Variants in ASXL1 observed in about 807,000 individuals in gnomAD.
The protein encoded by ASXL1 is ASXL transcriptional regulator 1, also known as polycomb group protein ASXL1.
ASXL1 carries 65 observed loss-of-function variants against 89.1 expected under a neutral mutation model. That is an observed-to-expected ratio of 0.73 (90% CI 0.60 to 0.90). The LOEUF (loss-of-function observed/expected upper bound fraction) is 0.90, where lower values mean the gene tolerates loss of function less well. Ranked by LOEUF, ASXL1 falls within the 40% of genes least tolerant of loss-of-function variation. ASXL1 has a pLI of 0.00. For synonymous variants in ASXL1, 739 were observed against 746.9 expected, an observed-to-expected ratio of 0.99 and a Z score of 0.17; for missense variants, 1,786 against 1,942.9, an observed-to-expected ratio of 0.92 and a Z score of 1.52.
chr20:32,434,407 C>G, intron 12 of ASXL1, 25 bp from the exon 13 acceptor site: 1 of 1,613,386 alleles, frequency 6.2e-7, no homozygotes, highest in Non-Finnish European at 8.5e-7. Flanking sequence ...TCAGTTAAAA[C>G]TATTTTCTAA....
At position 32,433,742 on chromosome 20, in the gene ASXL1, TGGATCAGG is replaced by T; in HGVS notation, c.1545_1552del (p.Asp516ThrfsTer10). ...ATTCCTAGCCTGCCTCAGGAAACTG[TGGATCAGG>T]AACCCAAGGATCAGAAGAGGAAATC... is the stretch of plus-strand genomic sequence containing the variant. On this transcript the variant is annotated frameshift_variant, in exon 12 of 13. Transcript: ENST00000375687. LOFTEE classifies it high-confidence loss of function. The T allele has an allele frequency of 6.2e-7, 1 of 1,613,958 alleles. No homozygotes were observed. The highest frequency in any genetic ancestry group is 8.5e-7 in the Non-Finnish European group (1 of 1,179,874).
At chr20:32,426,495 T>C (rs1388347376) in intron 4 of ASXL1, among the ~76,000 whole-genome samples, 1 of 151,718 alleles carries the variant, frequency 6.6e-6, no homozygotes, top group Admixed American at 6.6e-5. Flanking sequence ...CTGAAGACCA[T>C]GTATGGCCAG....
At chr20:32,397,972 C>G (rs994782250) in intron 4 of ASXL1, among the ~76,000 whole-genome samples, 7 of 152,160 alleles carry the variant, frequency 4.6e-5, no homozygotes, top group Admixed American at 1.3e-4. Context: ...TGTCATGTTT[C>G]CTTAGATGTG....
At position 32,367,686 on chromosome 20, in the gene ASXL1, A is replaced by T. The variant is rs751283451; in HGVS notation, c.141-41A>T. The T allele has an allele frequency of 3.8e-6, 3 of 780,712 alleles. No individual in the cohort carries two copies. In the South Asian group the frequency reaches 4.0e-5, roughly 10 times the overall value. The allele number at this position is 780,712 out of a possible 1,614,324, so 48.4% of individuals were successfully genotyped here. A position where few individuals can be genotyped will look rare whatever the true frequency, so the allele number is the denominator to read the frequency against. On this transcript the variant is annotated intron_variant, in intron 2 of 12. Transcript: ENST00000375687. ...TTGTTTTTATGGGCTATTTCCCATC[A>T]TGCTGCTGTCTGCACTGCTGTTGGA...
rs759320998 is a variant in ASXL1 at position 32,433,806 on chromosome 20, C to G, written c.1608C>G (p.Pro536=). The G allele has an allele frequency of 6.8e-6, 11 of 1,614,016 alleles. No homozygotes were observed. In the Admixed American group the frequency reaches 1.2e-4, roughly 17 times the overall value. ...SFEQAASASF[P]EKKPRLEDRQ... Reference sequence around the variant, plus strand: ...AGCAGGCGGCCTCTGCATCCTTTCCCGAAAAGAAGCCCCGGCTTGAAGATC... The same window carrying G: ...AGCAGGCGGCCTCTGCATCCTTTCCGGAAAAGAAGCCCCGGCTTGAAGATC... The change falls in exon 12 of 13, where the codon CCC becomes CCG. Residue 536 remains proline (P), a synonymous_variant. Transcript: ENST00000375687.
At chr20:32,401,657 G>A (rs2048877166) in intron 4 of ASXL1, among the ~76,000 whole-genome samples, 1 of 150,004 alleles carries the variant, frequency 6.7e-6, no homozygotes, top group Non-Finnish European at 1.5e-5. Context: ...ACAGGTTCAA[G>A]CGATTCTTCT....
intron 4 of ASXL1, among the ~76,000 whole-genome samples, chr20:32,373,195 G>A (rs889111694): frequency 6.6e-6 from 1 of 151,512 alleles, no homozygotes. Context: ...TGGCCAACAT[G>A]GCGAAACCCC....
intron 4 of ASXL1, among the ~76,000 whole-genome samples, chr20:32,414,357 C>T (rs1292275434): frequency 2.0e-5 from 3 of 149,286 alleles, no homozygotes; most frequent in Non-Finnish European, 3.0e-5. Context: ...TTGTTTTTGG[C>T]CTCTCATTTT....
At chr20:32,379,690 C>CGTGG in intron 4 of ASXL1, among the ~76,000 whole-genome samples, 1 of 150,956 alleles carries the variant, frequency 6.6e-6, no homozygotes, top group Non-Finnish European at 1.5e-5. Flanking sequence ...GCTGGGATTA[C>CGTGG]AGGCGGGCAC....
chr20:32,429,960 T>C lies in ASXL1; in HGVS notation c.625T>C (p.Ser209Pro), dbSNP rs2123223637. ...SGSPSSSSSG[S>P]LALGSAAIRG... ...CAGCCCGTCCAGCAGCAGCAGCGGCTCTCTGGCCCTGGGCAGCGCTGCTAT... is the reference window on the plus strand; with the variant it reads ...CAGCCCGTCCAGCAGCAGCAGCGGCCCTCTGGCCCTGGGCAGCGCTGCTAT... The change falls in exon 8 of 13, where the codon TCT (serine) becomes CCT (proline). Residue 209 changes from serine to proline, a missense_variant. Coordinates refer to ENST00000375687, the MANE Select transcript of ASXL1 (RefSeq NM_015338.6). The surrounding 1 kb of genome is among the most constrained non-coding windows in gnomAD (Gnocchi z 4.9). 1.9e-6 allele frequency: 3 copies of C among 1,608,860 alleles called. No individual in the cohort carries two copies. Among genetic ancestry groups the C allele is most frequent in the Non-Finnish European group, 2.5e-6 (3 of 1,179,658 alleles).
Position 32,429,819 on chromosome 20 carries a change from A to C in ASXL1, c.566-82A>C. ...CAGTATTGCTGGCAGCATCTCAGGG[A>C]GAGCTGGGAGAAATGAGCTTGTCTG... is the stretch of plus-strand genomic sequence containing the variant. On this transcript the variant is annotated intron_variant, in intron 7 of 12. Coordinates refer to ENST00000375687, the MANE Select transcript of ASXL1 (RefSeq NM_015338.6). The surrounding 1 kb of genome is among the most constrained non-coding windows in gnomAD (Gnocchi z 4.9). The C allele has an allele frequency of 1.9e-6, 3 of 1,542,900 alleles. No individual in the cohort carries two copies. The highest frequency in any genetic ancestry group is 1.8e-6 in the Non-Finnish European group (2 of 1,139,358).
In ASXL1 at chr20:32,433,701, T is replaced by C. The variant is rs1198261193; in HGVS notation, c.1503T>C (p.Ser501=). The change falls in exon 12 of 13, where the codon TCT becomes TCC. Residue 501 remains serine, a synonymous_variant. Coordinates refer to ENST00000375687, the MANE Select transcript of ASXL1 (RefSeq NM_015338.6). ...AGCCAGACAACTTGGCACGTGCCTC[T>C]GCATCTCCAGACAGAATTCCTAGCC... ...QAEPDNLARA[S]ASPDRIPSLP... The C allele has an allele frequency of 6.2e-7, 1 of 1,612,048 alleles. No homozygotes were observed. The highest frequency in any genetic ancestry group is 8.5e-7 in the Non-Finnish European group (1 of 1,178,386).
Position 32,369,000 on chromosome 20 carries a change from T to G in ASXL1, c.144-15T>G. ...GGATTGTATAACCCTCATCCATTCT[T>G]TTGTGGTTTTACAGTGGGACTTCCC... On this transcript the variant is annotated splice_polypyrimidine_tract_variant and intron_variant, in intron 3 of 12. Coordinates refer to ENST00000375687, the MANE Select transcript of ASXL1 (RefSeq NM_015338.6). 6.3e-7 allele frequency: 1 copy of G among 1,590,286 alleles called. No individual in the cohort carries two copies. Among genetic ancestry groups the G allele is most frequent in the Non-Finnish European group, 8.6e-7 (1 of 1,158,344 alleles).
intron 4 of ASXL1, among the ~76,000 whole-genome samples, chr20:32,404,348 A>G (rs1373936191): frequency 6.6e-6 from 1 of 152,206 alleles, no homozygotes; most frequent in Admixed American, 6.5e-5. Flanking sequence ...AGGTTTTAGC[A>G]TGCATATTTT....
At chr20:32,388,307 TGGGGCTGCAGGCATGCACCACCA>T (rs1285880533) in intron 4 of ASXL1, among the ~76,000 whole-genome samples, 1 of 152,184 alleles carries the variant, frequency 6.6e-6, no homozygotes, top group Admixed American at 6.5e-5. Flanking sequence ...CCCGAGTAGC[TGGGGCTGCAGGCATGCACCACCA>T]TGCCTGGCTA....
intron 4 of ASXL1, among the ~76,000 whole-genome samples, chr20:32,398,554 G>A (rs2048808263): frequency 6.6e-6 from 1 of 151,082 alleles, no homozygotes; most frequent in Middle Eastern, 3.4e-3. Context: ...TATACAAATG[G>A]AATCATAGCG....
chr20:32,437,373 T>C lies in ASXL1; in HGVS notation c.*35T>C. On this transcript the variant is annotated 3_prime_UTR_variant, in exon 13 of 13. Coordinates refer to ENST00000375687, the MANE Select transcript of ASXL1 (RefSeq NM_015338.6). ...GCCATGGGAAACATTGTATATTTAG[T>C]GTGTGTATTTTGATAATGATTGATC... is the stretch of plus-strand genomic sequence containing the variant. The C allele has an allele frequency of 2.5e-6, 4 of 1,601,122 alleles. No homozygotes were observed. In the South Asian group the frequency reaches 4.4e-5, roughly 18 times the overall value.
chr20:32,384,940 A>G (rs2048552551), intron 4 of ASXL1, among the ~76,000 whole-genome samples: 1 of 152,062 alleles, frequency 6.6e-6, no homozygotes, highest in Non-Finnish European at 1.5e-5. Context: ...AGAAGATTGT[A>G]CATACTCTAG....
chr20:32,379,360 T>TTATTA (rs748479380), intron 4 of ASXL1, among the ~76,000 whole-genome samples: 8 of 63,954 alleles, frequency 1.3e-4, no homozygotes, highest in Middle Eastern at 0.013. Context: ...AATTTATTTA[T>TTATTA]TTATTATTAT....
Sources: allele counts gnomAD v4.1 joint callset (sites outside exome capture counted in the v4.1 genomes callset), GRCh38; gene constraint gnomAD v4.1.1; non-coding constraint Gnocchi (gnomAD v3.1); transcripts MANE v1.5; gene names NCBI Gene and HGNC (gene_info 2026-07-23, HGNC 2026-07-21).